The following FGF12 variants were observed in gnomAD, a reference collection of about 807,000 sequenced individuals.
FGF12 encodes the protein fibroblast growth factor 12.
In FGF12, 14 loss-of-function variants were observed where a neutral mutation model predicts 23.6. The ratio of observed to expected loss-of-function variants is 0.59; its 90% CI spans 0.39 to 0.93. FGF12 has a LOEUF of 0.93. Among genes scored for constraint, FGF12 ranks in the 40% least tolerant of loss-of-function variants. FGF12 has a pLI of 0.00. For synonymous variants in FGF12, 62 were observed against 77.3 expected (o/e 0.80, Z 1.04); for missense variants, 175 against 217.8 (o/e 0.80, Z 1.24).
chr3:192,194,804 A>T (rs1403897621), intron 4 of FGF12, among the ~76,000 whole-genome samples: 1 of 152,176 alleles, frequency 6.6e-6, no homozygotes, highest in Non-Finnish European at 1.5e-5. Context: ...GAATTTGATC[A>T]TTTTTATAAC....
intron 2 of FGF12, among the ~76,000 whole-genome samples, chr3:192,415,513 C>T (rs781302153): frequency 6.6e-6 from 1 of 152,030 alleles, no homozygotes; most frequent in Non-Finnish European, 1.5e-5. Context: ...GGGGTATCAA[C>T]TCTTTGTATC....
chr3:192,686,600 C>T (rs1045408926), intron 2 of FGF12, among the ~76,000 whole-genome samples: 1 of 151,872 alleles, frequency 6.6e-6, no homozygotes, highest in African/African-American at 2.4e-5. Context: ...ATTTCCTTGA[C>T]TCAGGTATTT....
intron 2 of FGF12, among the ~76,000 whole-genome samples, chr3:192,480,833 A>G (rs1001501571): frequency 3.9e-5 from 6 of 152,222 alleles, no homozygotes; most frequent in African/African-American, 1.4e-4. Flanking sequence ...AATCCAAACC[A>G]GCTTAACTGC....
At position 192,507,546 on chromosome 3, in the gene FGF12, C is replaced by T. The variant is rs186651274; in HGVS notation, c.14-147008G>A. The stretch of plus-strand genomic sequence containing the variant: ...AGGAATGCTATCTTACTTTATCTCA[C>T]GATAAGATTTGCAAGCCCAAAGGTC... On this transcript the variant is annotated intron_variant, in intron 2 of 5. Transcript: ENST00000445105. 2.7e-3 allele frequency among the ~76,000 whole-genome samples: 407 copies of T among 152,184 alleles called. 4 individuals carry two copies. Among genetic ancestry groups the T allele is most frequent in the Middle Eastern group, 6.8e-3 (2 of 294 alleles).
chr3:192,325,524 C>T (rs777042696), intron 4 of FGF12, among the ~76,000 whole-genome samples: 37 of 152,056 alleles, frequency 2.4e-4, no homozygotes, highest in African/African-American at 8.7e-4. Flanking sequence ...TTTTCTGAGA[C>T]GTCACTCACT....
chr3:192,229,391 C>T (rs1718905276), intron 4 of FGF12, among the ~76,000 whole-genome samples: 1 of 152,136 alleles, frequency 6.6e-6, no homozygotes, highest in Non-Finnish European at 1.5e-5. Flanking sequence ...TAACTGACTT[C>T]TCTCATAGGG....
chr3:192,205,930 C>T (rs1281078837), intron 4 of FGF12, among the ~76,000 whole-genome samples: 3 of 152,184 alleles, frequency 2.0e-5, no homozygotes, highest in African/African-American at 7.2e-5. Flanking sequence ...GTGCTCTACA[C>T]AGAGGAGGTG....
At chr3:192,660,517 A>G (rs1716623461) in intron 2 of FGF12, among the ~76,000 whole-genome samples, 1 of 152,100 alleles carries the variant, frequency 6.6e-6, no homozygotes, top group Non-Finnish European at 1.5e-5. Context: ...TAAAAAAAAA[A>G]AAAAAGAAAG....
chr3:192,391,165 A>G (rs1186329842), intron 2 of FGF12, among the ~76,000 whole-genome samples: 4 of 152,182 alleles, frequency 2.6e-5, no homozygotes, highest in South Asian at 2.1e-4. Flanking sequence ...AGCAAAATGT[A>G]TATCTCTTCA....
intron 2 of FGF12, among the ~76,000 whole-genome samples, chr3:192,656,324 G>C (rs73195156): frequency 0.08 from 2,994 of 37,254 alleles, 72 homozygotes; most frequent in South Asian, 0.15. Context: ...CACACACAGA[G>C]AGAGAATTAT....
At chr3:192,424,763 GAC>G (rs530771873) in intron 2 of FGF12, among the ~76,000 whole-genome samples, 2 of 151,814 alleles carry the variant, frequency 1.3e-5, no homozygotes, top group Admixed American at 1.3e-4. Context: ...CACACAGAGA[GAC>G]ACACACACAA....
At chr3:192,425,823 A>C (rs1305232312) in intron 2 of FGF12, among the ~76,000 whole-genome samples, 1 of 152,182 alleles carries the variant, frequency 6.6e-6, no homozygotes, top group Non-Finnish European at 1.5e-5. Flanking sequence ...AATTGGTTTA[A>C]ATGTGGTACA....
intron 2 of FGF12, among the ~76,000 whole-genome samples, chr3:192,546,720 A>G (rs1725503802): frequency 6.8e-6 from 1 of 146,384 alleles, no homozygotes; most frequent in Non-Finnish European, 1.5e-5. Flanking sequence ...AGTGAACCCT[A>G]ACTCAGTACC....
chr3:192,584,562 G>A (rs1226278887), intron 2 of FGF12, among the ~76,000 whole-genome samples: 2 of 151,948 alleles, frequency 1.3e-5, no homozygotes, highest in African/African-American at 2.4e-5. Context: ...TCACATAGAG[G>A]TTTGGCTCTT....
intron 2 of FGF12, among the ~76,000 whole-genome samples, chr3:192,633,600 T>C (rs926924793): frequency 6.6e-6 from 1 of 152,134 alleles, no homozygotes; most frequent in Admixed American, 6.5e-5. Context: ...TCTATAACAT[T>C]ATGCTGCCCA....
At chr3:192,149,968 C>T (rs1299649772) in intron 5 of FGF12, among the ~76,000 whole-genome samples, 1 of 118,896 alleles carries the variant, frequency 8.4e-6, no homozygotes, top group Non-Finnish European at 1.8e-5. Context: ...ACGTCCTCTC[C>T]AGCACCTGTT....
intron 2 of FGF12, among the ~76,000 whole-genome samples, chr3:192,666,813 GTCAA>G (rs1445523302): frequency 5.9e-5 from 9 of 152,248 alleles, no homozygotes; most frequent in African/African-American, 1.7e-4. Flanking sequence ...TTGCTTAATA[GTCAA>G]TCAAAGAGTA....
chr3:192,689,939 C>A (rs904064641), intron 2 of FGF12, among the ~76,000 whole-genome samples: 1 of 151,828 alleles, frequency 6.6e-6, no homozygotes, highest in Non-Finnish European at 1.5e-5. Context: ...CAAGTGAATA[C>A]CAATAAGGCC....
At chr3:192,540,133 A>G (rs1725328576) in intron 2 of FGF12, among the ~76,000 whole-genome samples, 1 of 151,284 alleles carries the variant, frequency 6.6e-6, no homozygotes, top group Admixed American at 6.6e-5. Context: ...TCTTAATTTC[A>G]CATTCACTTA....
Sources: gnomAD v4.1 joint callset for allele counts (sites outside exome capture counted in the v4.1 genomes callset) on GRCh38, gnomAD v4.1.1 for gene constraint, MANE v1.5 for transcripts, NCBI Gene and HGNC (gene_info 2026-07-23, HGNC 2026-07-21) for gene names.